Variants in SNTG2 observed in about 807,000 individuals in gnomAD.
SNTG2 encodes the protein gamma-2-syntrophin.
In SNTG2, 74 loss-of-function variants were observed where a neutral mutation model predicts 70.9. The ratio of observed to expected loss-of-function variants is 1.04; its 90% CI spans 0.86 to 1.27. The LOEUF is 1.27. SNTG2 is among the 50% of genes most tolerant of loss of function. The probability of loss-of-function intolerance (pLI) is 0.00; values close to 1 mark genes in which losing one functional copy is unlikely to be tolerated. For missense variants in SNTG2, 717 were observed against 690.7 expected (o/e 1.04, Z -0.43); for synonymous variants, 278 against 273.8 (o/e 1.02, Z -0.15).
intron 1 of SNTG2, among the ~76,000 whole-genome samples, chr2:1,048,480 C>T (rs1333745949): frequency 6.6e-6 from 1 of 152,126 alleles, no homozygotes; most frequent in Non-Finnish European, 1.5e-5. Context: ...ATATATATCA[C>T]ATAATATTTT....
intron 16 of SNTG2, among the ~76,000 whole-genome samples, chr2:1,339,465 A>G (rs1659976485): frequency 6.6e-6 from 1 of 152,224 alleles, no homozygotes; most frequent in Non-Finnish European, 1.5e-5. Flanking sequence ...GAGTTATCTA[A>G]CATGTGCTAG....
At chr2:1,001,498 G>A (rs1659394232) in intron 1 of SNTG2, among the ~76,000 whole-genome samples, 1 of 151,930 alleles carries the variant, frequency 6.6e-6, no homozygotes, top group Admixed American at 6.6e-5. Flanking sequence ...ACCAATTCAG[G>A]AAGTCAATTC....
At chr2:970,301 G>C (rs1181958630) in intron 1 of SNTG2, among the ~76,000 whole-genome samples, 1 of 151,854 alleles carries the variant, frequency 6.6e-6, no homozygotes, top group Non-Finnish European at 1.5e-5. Flanking sequence ...AAGTTGTAGG[G>C]TACATGTGCA....
At chr2:1,106,021 ACACG>A (rs1666107923) in intron 4 of SNTG2, among the ~76,000 whole-genome samples, 11 of 151,322 alleles carry the variant, frequency 7.3e-5, no homozygotes, top group East Asian at 3.9e-4. Flanking sequence ...GTAATAATGG[ACACG>A]TGCTGTCACT....
intron 1 of SNTG2, among the ~76,000 whole-genome samples, chr2:1,081,721 C>A (rs1339772562): frequency 6.6e-6 from 1 of 152,240 alleles, no homozygotes; most frequent in Non-Finnish European, 1.5e-5. Context: ...ACTCCCAGTT[C>A]CAGCACCCAC....
At chr2:1,331,124 C>T (rs1193016522) in intron 16 of SNTG2, among the ~76,000 whole-genome samples, 2 of 152,174 alleles carry the variant, frequency 1.3e-5, no homozygotes, top group African/African-American at 4.8e-5. Context: ...TGTGAGGCCA[C>T]GTCGTGTCCT....
chr2:1,147,237 A>C (rs1193242711), intron 6 of SNTG2, among the ~76,000 whole-genome samples: 2 of 152,140 alleles, frequency 1.3e-5, no homozygotes, highest in African/African-American at 4.8e-5. Context: ...GTTAATACTG[A>C]GTGTCAACTT....
intron 4 of SNTG2, among the ~76,000 whole-genome samples, chr2:1,116,909 CT>C (rs1667040157): frequency 6.8e-6 from 1 of 146,668 alleles, no homozygotes; most frequent in Non-Finnish European, 1.5e-5. Context: ...TGTGTGGGTG[CT>C]CTGGTGTGTG....
intron 12 of SNTG2, among the ~76,000 whole-genome samples, chr2:1,253,918 G>T (rs1258037743): frequency 6.6e-6 from 1 of 152,016 alleles, no homozygotes; most frequent in Non-Finnish European, 1.5e-5. Context: ...TGTATCACAA[G>T]AATAGAACCA....
At chr2:1,211,420 T>C (rs1674030039) in intron 9 of SNTG2, among the ~76,000 whole-genome samples, 1 of 152,226 alleles carries the variant, frequency 6.6e-6, no homozygotes, top group African/African-American at 2.4e-5. Flanking sequence ...TAAGGATGAA[T>C]TCAGGTCATA....
intron 1 of SNTG2, among the ~76,000 whole-genome samples, chr2:1,067,650 T>C (rs1394910036): frequency 6.6e-6 from 1 of 152,224 alleles, no homozygotes; most frequent in East Asian, 1.9e-4. Flanking sequence ...GTCAGCATTC[T>C]CTTTTCTTGG....
chr2:1,109,333 C>G (rs542827197), intron 4 of SNTG2, among the ~76,000 whole-genome samples: 6 of 152,122 alleles, frequency 3.9e-5, no homozygotes, highest in Admixed American at 3.9e-4. Context: ...ACTTTCGAAA[C>G]CGAAGCCAGG....
At chr2:1,335,850 A>C (rs1393045133) in intron 16 of SNTG2, among the ~76,000 whole-genome samples, 4 of 152,198 alleles carry the variant, frequency 2.6e-5, no homozygotes, top group African/African-American at 9.7e-5. Flanking sequence ...ATAGAAATGC[A>C]GCCTTCAAAC....
chr2:1,229,964 G>A (rs1015511660), intron 9 of SNTG2, among the ~76,000 whole-genome samples: 58 of 152,172 alleles, frequency 3.8e-4, no homozygotes, highest in Non-Finnish European at 7.2e-4. Context: ...CCCCGTTCCC[G>A]CTCGTGCCTC....
chr2:1,141,869 C>T (rs961571458), intron 6 of SNTG2, among the ~76,000 whole-genome samples: 7 of 152,144 alleles, frequency 4.6e-5, no homozygotes, highest in African/African-American at 7.2e-5. Context: ...AGCTGTCCCC[C>T]GACCCACATT....
intron 4 of SNTG2, among the ~76,000 whole-genome samples, chr2:1,132,076 G>C (rs1251435352): frequency 6.6e-6 from 1 of 152,072 alleles, no homozygotes; most frequent in African/African-American, 2.4e-5. Flanking sequence ...TTTTAATATA[G>C]TCTCTGCTAC....
At chr2:1,234,023 T>C (rs1676441177) in intron 9 of SNTG2, among the ~76,000 whole-genome samples, 1 of 152,164 alleles carries the variant, frequency 6.6e-6, no homozygotes, top group African/African-American at 2.4e-5. Flanking sequence ...AGATGCTCTG[T>C]GAATTTTAGC....
chr2:1,150,327 GCTGT>G (rs1280054458), intron 6 of SNTG2, among the ~76,000 whole-genome samples: 4 of 152,152 alleles, frequency 2.6e-5, no homozygotes, highest in Admixed American at 6.5e-5. Flanking sequence ...GATCGAAAAG[GCTGT>G]CTGTCACTCA....
chr2:1,304,184 C>T (rs1680577175), intron 14 of SNTG2, among the ~76,000 whole-genome samples: 1 of 152,226 alleles, frequency 6.6e-6, no homozygotes, highest in Non-Finnish European at 1.5e-5. Flanking sequence ...AATACAGACA[C>T]TCAATCTTCA....
Sources: gnomAD v4.1 joint callset for allele counts (sites outside exome capture counted in the v4.1 genomes callset) on GRCh38, gnomAD v4.1.1 for gene constraint, MANE v1.5 for transcripts, NCBI Gene and HGNC (gene_info 2026-07-23, HGNC 2026-07-21) for gene names.